The following SRGAP2B variants were observed in gnomAD, a reference collection of about 807,000 sequenced individuals.
The protein encoded by SRGAP2B is SLIT-ROBO Rho GTPase activating protein 2B.
In SRGAP2B, 9 loss-of-function variants were observed where a neutral mutation model predicts 22.2. That is an observed-to-expected ratio of 0.41 (90% CI 0.24 to 0.71). SRGAP2B has a LOEUF of 0.71. SRGAP2B is among the 30% of genes least tolerant of loss of function. The pLI is 0.35. For missense variants in SRGAP2B, 114 were observed against 235.8 expected, an observed-to-expected ratio of 0.48 and a Z score of 3.38; for synonymous variants, 36 against 87.4, an observed-to-expected ratio of 0.41 and a Z score of 3.28.
intron 4 of SRGAP2B, among the ~76,000 whole-genome samples, chr1:144,940,015 T>C (rs1665904673): frequency 7.3e-6 from 1 of 136,168 alleles, no homozygotes; most frequent in South Asian, 2.5e-4. Flanking sequence ...TAAAAAAAGA[T>C]TAGCTTAGAG....
At chr1:145,017,153 C>T (rs1297218575) in intron 2 of SRGAP2B, among the ~76,000 whole-genome samples, 1 of 142,376 alleles carries the variant, frequency 7.0e-6, no homozygotes, top group Non-Finnish European at 1.5e-5. Context: ...TGGTCTCAAA[C>T]TCCTGACCTC....
chr1:144,976,010 AC>A, intron 3 of SRGAP2B, among the ~76,000 whole-genome samples: 1 of 148,598 alleles, frequency 6.7e-6, no homozygotes, highest in Non-Finnish European at 1.5e-5. Context: ...AGTAGCTGGG[AC>A]CACAGGCGCC....
intron 2 of SRGAP2B, among the ~76,000 whole-genome samples, chr1:145,039,461 T>C (rs1649006066): frequency 1.4e-5 from 2 of 141,592 alleles, no homozygotes; most frequent in African/African-American, 5.3e-5. Context: ...GGTGACAGGA[T>C]GAGACCCTGT....
chr1:144,965,631 C>A (rs76756846), intron 3 of SRGAP2B, among the ~76,000 whole-genome samples: 1 of 127,874 alleles, frequency 7.8e-6, no homozygotes, highest in African/African-American at 3.7e-5. Flanking sequence ...CGGAACAAAG[C>A]TGGATGGAGA....
chr1:144,970,364 G>A (rs1206660198), intron 3 of SRGAP2B, among the ~76,000 whole-genome samples: 2 of 109,280 alleles, frequency 1.8e-5, no homozygotes, highest in Non-Finnish European at 3.6e-5. Flanking sequence ...GGATGAAATT[G>A]GAAACCATCA....
chr1:144,992,923 A>G (rs587689935), intron 3 of SRGAP2B, among the ~76,000 whole-genome samples: 195 of 150,228 alleles, frequency 1.3e-3, no homozygotes, highest in Admixed American at 0.011. Flanking sequence ...CAGAAGGTAG[A>G]TAGTGCTGAA....
In SRGAP2B at chr1:144,965,908, A is replaced by T. The variant is rs1211177191; in HGVS notation, c.261-10307T>A. On this transcript the variant is annotated intron_variant, in intron 3 of 9. Coordinates refer to ENST00000612199, the Ensembl canonical transcript of SRGAP2B. ...GGTATCAGCAATGGAAGATGAAATG[A>T]ATGAAATGAAGCGAGAAGGGAAGTT... Among the ~76,000 whole-genome samples the T allele has an allele frequency of 4.0e-5, 6 of 148,930 alleles. 1 individual carries two copies. The highest frequency in any genetic ancestry group is 1.3e-4 in the African/African-American group (5 of 39,206).
chr1:145,041,105 A>ATATATG (rs1649204072), intron 2 of SRGAP2B, among the ~76,000 whole-genome samples: 2 of 107,352 alleles, frequency 1.9e-5, no homozygotes, highest in South Asian at 3.1e-4. Context: ...ATATATATAT[A>ATATATG]TAGTCTGCTT....
chr1:144,902,879 T>G (rs1191553355), intron 7 of SRGAP2B, among the ~76,000 whole-genome samples: 3 of 86,278 alleles, frequency 3.5e-5, no homozygotes, highest in Non-Finnish European at 6.6e-5. Flanking sequence ...TTCAATGGCA[T>G]GTCACACCAC....
chr1:145,008,977 C>T (rs1671815477), intron 2 of SRGAP2B, among the ~76,000 whole-genome samples: 2 of 149,226 alleles, frequency 1.3e-5, no homozygotes, highest in African/African-American at 5.1e-5. Context: ...CGAGACCATC[C>T]TGGCTAACAC....
intron 2 of SRGAP2B, among the ~76,000 whole-genome samples, chr1:144,996,125 G>T (rs1437842268): frequency 6.6e-6 from 1 of 151,370 alleles, no homozygotes; most frequent in Non-Finnish European, 1.5e-5. Flanking sequence ...GATGCAAACA[G>T]ATCTGCCTCA....
At chr1:145,035,955 A>T (rs1477657300) in intron 2 of SRGAP2B, among the ~76,000 whole-genome samples, 1 of 143,354 alleles carries the variant, frequency 7.0e-6, no homozygotes, top group East Asian at 2.0e-4. Context: ...AAAAAAAAAA[A>T]CCCACGATAA....
chr1:145,057,354 T>C (rs1444693988), intron 2 of SRGAP2B, among the ~76,000 whole-genome samples: 2 of 143,586 alleles, frequency 1.4e-5, no homozygotes, highest in Admixed American at 1.4e-4. Context: ...AGACCCTTTG[T>C]GGACCTGATA....
Position 144,985,684 on chromosome 1 carries a change from G to A in SRGAP2B, c.260+9324C>T, listed in dbSNP as rs1412682693. 1.9e-4 allele frequency among the ~76,000 whole-genome samples: 29 copies of A among 150,002 alleles called. 2 individuals carry two copies. The highest frequency in any genetic ancestry group is 7.3e-4 in the African/African-American group (29 of 39,880). On this transcript the variant is annotated intron_variant, in intron 3 of 9. Coordinates refer to ENST00000612199, the Ensembl canonical transcript of SRGAP2B. ...TTCCCTAGAAAGGCTTCCTACCCTCGCATAATACTTTACCACTGCTCTTAA... is the reference window on the plus strand; with the variant it reads ...TTCCCTAGAAAGGCTTCCTACCCTCACATAATACTTTACCACTGCTCTTAA...
intron 2 of SRGAP2B, among the ~76,000 whole-genome samples, chr1:145,009,352 G>T (rs1259792327): frequency 6.7e-6 from 1 of 150,016 alleles, no homozygotes; most frequent in Non-Finnish European, 1.5e-5. Flanking sequence ...ACTTTGGGAG[G>T]CCGAGGCGGG....
At chr1:144,944,683 T>TTTGTTTTA (rs1214981392) in intron 4 of SRGAP2B, among the ~76,000 whole-genome samples, 1 of 132,306 alleles carries the variant, frequency 7.6e-6, no homozygotes, top group African/African-American at 3.0e-5. Context: ...GAATTGGTTG[T>TTTGTTTTA]TTTATTTATT....
At position 145,080,798 on chromosome 1, in the gene SRGAP2B, G is replaced by A. The variant is rs587693553; in HGVS notation, c.67+12037C>T. Among the ~76,000 whole-genome samples the A allele has an allele frequency of 2.0e-4, 30 of 149,510 alleles. 2 individuals are homozygous for A. Among genetic ancestry groups the A allele is most frequent in the Non-Finnish European group, 3.3e-4 (22 of 67,668 alleles). On this transcript the variant is annotated intron_variant, in intron 2 of 9. Transcript: ENST00000612199. ...TTGAACTCCTGACCTTAGGTGATCC[G>A]CCTGCCTCGGCCTCCCAAAGTGCTG...
chr1:144,999,256 T>C lies in SRGAP2B; in HGVS notation c.68-4056A>G, dbSNP rs587757432. On this transcript the variant is annotated intron_variant, in intron 2 of 9. Transcript: ENST00000612199. ...TTCCCTAGAAATACATGGAAAGAAG[T>C]CAAGCTCTCACTTTCTAGAAGCAGC... 9.9e-4 allele frequency among the ~76,000 whole-genome samples: 148 copies of C among 149,490 alleles called. 5 individuals are homozygous for C. The highest frequency in any genetic ancestry group is 3.4e-3 in the African/African-American group (136 of 39,586).
At chr1:144,997,126 A>G (rs1266533967) in intron 2 of SRGAP2B, among the ~76,000 whole-genome samples, 1 of 150,372 alleles carries the variant, frequency 6.7e-6, no homozygotes, top group Non-Finnish European at 1.5e-5. Flanking sequence ...CTTAAATTCC[A>G]TCCGTTCAGT....
Sources: gnomAD v4.1 joint callset for allele counts (sites outside exome capture counted in the v4.1 genomes callset) on GRCh38, gnomAD v4.1.1 for gene constraint, MANE v1.5 for transcripts, NCBI Gene and HGNC (gene_info 2026-07-23, HGNC 2026-07-21) for gene names.